ATP2C1: variants seen among roughly 807,000 people sequenced by gnomAD.
The protein encoded by ATP2C1 is calcium-transporting ATPase type 2C member 1.
In ATP2C1, 31 loss-of-function variants were observed where a neutral mutation model predicts 120.5. That is an observed-to-expected ratio of 0.26 (90% CI 0.19 to 0.35). ATP2C1 has a LOEUF of 0.35. ATP2C1 is among the 10% of genes least tolerant of loss of function. ATP2C1 has a pLI of 1.00. For missense variants in ATP2C1, 731 were observed against 1,107.5 expected, an observed-to-expected ratio of 0.66 and a Z score of 4.83; for synonymous variants, 351 against 358.7, an observed-to-expected ratio of 0.98 and a Z score of 0.24.
At chr3:130,870,863 C>A (rs2068406792) in intron 1 of ATP2C1, among the ~76,000 whole-genome samples, 1 of 152,174 alleles carries the variant, frequency 6.6e-6, no homozygotes, top group South Asian at 2.1e-4. Context: ...TAAACAGCAT[C>A]AGACAATACA....
In ATP2C1 at chr3:130,894,909, T is replaced by C; in HGVS notation, c.6+134T>C. On this transcript the variant is annotated intron_variant, in intron 2 of 27. Transcript: ENST00000510168. This position sits in a 1 kb window ranked among gnomAD's most constrained non-coding sequence, Gnocchi z 4.5. The stretch of plus-strand genomic sequence containing the variant: ...ACTGTGTATGTGAAGTGTCCAAGGA[T>C]TTGCTTACTTAGGGTATCCAGCTTT... 2.0e-6 allele frequency: 2 copies of C among 1,004,398 alleles called. No individual in the cohort carries two copies. Among genetic ancestry groups the C allele is most frequent in the South Asian group, 2.6e-5 (2 of 77,608 alleles). 62.2% of individuals were successfully genotyped at this position (1,004,398 alleles called of 1,614,324 possible). A position where few individuals can be genotyped will look rare whatever the true frequency, so the allele number is the denominator to read the frequency against.
At chr3:130,933,829 A>C (rs1576776841) in intron 4 of ATP2C1, among the ~76,000 whole-genome samples, 1 of 152,188 alleles carries the variant, frequency 6.6e-6, no homozygotes, top group Non-Finnish European at 1.5e-5. Context: ...GGAACCATAA[A>C]GGGGCTTTGG....
upstream of ATP2C1, among the ~76,000 whole-genome samples, chr3:130,890,135 G>C (rs2069122384): frequency 6.6e-6 from 1 of 152,060 alleles, no homozygotes; most frequent in Non-Finnish European, 1.5e-5. Flanking sequence ...AAATGTTTTG[G>C]GGCCAGAGGT....
In ATP2C1 at chr3:130,979,520, TGA is replaced by T. The variant is rs2061664539; in HGVS notation, c.1741+104_1741+105del. Reference sequence around the variant, plus strand: ...AGTTATGAATATGTTTATGTAATATTGAGATTATGCAATTGAAATCGACTCAT... The same window carrying T: ...AGTTATGAATATGTTTATGTAATATTGATTATGCAATTGAAATCGACTCAT... On this transcript the variant is annotated intron_variant, in intron 19 of 27. Transcript: ENST00000510168. 2.4e-6 allele frequency: 3 copies of T among 1,269,546 alleles called. No homozygotes were observed. The South Asian group carries it at 3.8e-5, about 16-fold the overall frequency. 78.6% of individuals were successfully genotyped at this position (1,269,546 alleles called of 1,614,324 possible). A position where few individuals can be genotyped will look rare whatever the true frequency, so the allele number is the denominator to read the frequency against.
At chr3:130,969,150 A>G in intron 16 of ATP2C1, 142 bp from the exon 17 acceptor site, 2 of 686,198 alleles carry the variant, frequency 2.9e-6, no homozygotes, top group East Asian at 2.8e-5. Context: ...AGTACAGTAT[A>G]TATAGATGGA....
At chr3:130,959,187 AG>A in intron 11 of ATP2C1, 87 bp from the exon 12 acceptor site, 1 of 941,500 alleles carries the variant, frequency 1.1e-6, no homozygotes, top group Admixed American at 2.0e-5. Flanking sequence ...TTTTTTGTCA[AG>A]GGACGTTTTA....
At chr3:130,960,361 G>A (rs556296645) in intron 12 of ATP2C1, among the ~76,000 whole-genome samples, 3 of 152,310 alleles carry the variant, frequency 2.0e-5, no homozygotes, top group Non-Finnish European at 4.4e-5. Flanking sequence ...AACCTTGTGA[G>A]TGTGGGATCT....
intron 1 of ATP2C1, among the ~76,000 whole-genome samples, chr3:130,851,290 C>A (rs191466360): frequency 6.6e-6 from 1 of 152,300 alleles, no homozygotes; most frequent in Admixed American, 6.5e-5. Flanking sequence ...CCTAGAAGTA[C>A]ACTTGTCTTC....
intron 10 of ATP2C1, 110 bp from the exon 11 acceptor site, chr3:130,955,994 G>T (rs2060565481): frequency 1.1e-5 from 8 of 759,602 alleles, no homozygotes; most frequent in Non-Finnish European, 1.9e-5. Context: ...TGGGAGAGTT[G>T]TATGGTTAAC....
intron 1 of ATP2C1, among the ~76,000 whole-genome samples, chr3:130,875,290 C>T (rs2068564359): frequency 6.6e-6 from 1 of 152,186 alleles, no homozygotes. Flanking sequence ...CCTCCAACTA[C>T]ATTTACCAGC....
At chr3:131,014,660 G>C (rs1269975121) in intron 26 of ATP2C1, among the ~76,000 whole-genome samples, 1 of 152,150 alleles carries the variant, frequency 6.6e-6, no homozygotes, top group Non-Finnish European at 1.5e-5. Context: ...AGACTGAGCA[G>C]GTGTCTTTAA....
chr3:130,976,934 C>G (rs2061549699), intron 18 of ATP2C1, among the ~76,000 whole-genome samples: 1 of 152,144 alleles, frequency 6.6e-6, no homozygotes, highest in African/African-American at 2.4e-5. Context: ...ACCGTCACTC[C>G]CTTCTGAACA....
intron 2 of ATP2C1, among the ~76,000 whole-genome samples, chr3:130,909,882 T>C (rs986098350): frequency 1.4e-4 from 21 of 151,940 alleles, no homozygotes; most frequent in African/African-American, 4.6e-4. Flanking sequence ...ATTTATTTAT[T>C]GTCAATAGAG....
intron 8 of ATP2C1, among the ~76,000 whole-genome samples, chr3:130,945,892 AG>A (rs1303906304): frequency 6.6e-6 from 1 of 151,048 alleles, no homozygotes; most frequent in Non-Finnish European, 1.5e-5. Context: ...AGATGGAAAA[AG>A]GTTGTGGGTT....
At chr3:130,922,613 C>T (rs193163060) in intron 2 of ATP2C1, among the ~76,000 whole-genome samples, 21 of 152,298 alleles carry the variant, frequency 1.4e-4, no homozygotes, top group African/African-American at 5.1e-4. Flanking sequence ...TTCCTCTTAG[C>T]ACTGCTTTTG....
rs1034050664 is a variant in ATP2C1, at chr3:130,999,870, T to A, written c.2629+211T>A. On this transcript the variant is annotated intron_variant, in intron 27 of 27. Coordinates refer to ENST00000510168, the MANE Select transcript of ATP2C1 (RefSeq NM_001378687.1). ...TTTTGCTCTTTTATAGGTTATCAAT[T>A]GTTATAAAAATCATAATACGTGATT... Among the ~76,000 whole-genome samples, 6 of 152,160 alleles carry A rather than the reference T, an allele frequency of 3.9e-5. No individual in the cohort carries two copies. The South Asian group carries it at 1.2e-3, about 32-fold the overall frequency.
chr3:130,969,174 C>T (rs2108675881), intron 16 of ATP2C1, 118 bp from the exon 17 acceptor site: 3 of 720,100 alleles, frequency 4.2e-6, no homozygotes, highest in East Asian at 2.7e-5. Flanking sequence ...TTTACTATTT[C>T]ACTATTAACT....
intron 27 of ATP2C1, 76 bp downstream of exon 27, chr3:130,999,735 A>C: frequency 2.9e-6 from 4 of 1,370,116 alleles, no homozygotes; most frequent in Non-Finnish European, 3.0e-6. Flanking sequence ...TTTAATTTTA[A>C]AATTCTTTTA....
At chr3:130,973,859 G>T (rs913456154) in intron 17 of ATP2C1, among the ~76,000 whole-genome samples, 3 of 152,088 alleles carry the variant, frequency 2.0e-5, no homozygotes, top group Non-Finnish European at 4.4e-5. Context: ...ACTTACAAAT[G>T]TGAGGATAGA....
Sources: allele counts gnomAD v4.1 joint callset (sites outside exome capture counted in the v4.1 genomes callset), GRCh38; gene constraint gnomAD v4.1.1; non-coding constraint Gnocchi (gnomAD v3.1); transcripts MANE v1.5; gene names NCBI Gene and HGNC (gene_info 2026-07-23, HGNC 2026-07-21).